The following SCFD2 variants were observed in gnomAD, a reference collection of about 807,000 sequenced individuals.
SCFD2 encodes the protein sec1 family domain-containing protein 2.
A neutral mutation model predicts 58.9 loss-of-function variants in SCFD2; 54 were observed. The ratio of observed to expected loss-of-function variants is 0.92; its 90% CI spans 0.74 to 1.15. SCFD2 has a LOEUF of 1.15. SCFD2 is among the 50% of genes most tolerant of loss of function. The pLI, the probability that SCFD2 is intolerant of heterozygous loss-of-function variation, is 0.00. For missense variants in SCFD2, 805 were observed against 836.6 expected (o/e 0.96, Z 0.47); for synonymous variants, 321 against 335.9 (o/e 0.96, Z 0.49).
intron 4 of SCFD2, among the ~76,000 whole-genome samples, chr4:53,185,053 C>T (rs2148952421): frequency 6.6e-6 from 1 of 152,246 alleles, no homozygotes; most frequent in Admixed American, 6.5e-5. Flanking sequence ...TGACTCTCAA[C>T]ATTATAGACT....
intron 4 of SCFD2, among the ~76,000 whole-genome samples, chr4:53,191,150 C>T (rs1057422236): frequency 6.6e-6 from 1 of 151,866 alleles, no homozygotes; most frequent in Non-Finnish European, 1.5e-5. Flanking sequence ...GAGTTCAAGA[C>T]GAGCCTGGCC....
intron 5 of SCFD2, among the ~76,000 whole-genome samples, chr4:53,116,953 G>A (rs545759675): frequency 3.9e-5 from 6 of 152,294 alleles, no homozygotes; most frequent in Admixed American, 2.6e-4. Flanking sequence ...TGCAATGAAA[G>A]TTGAAGAAGC....
intron 4 of SCFD2, among the ~76,000 whole-genome samples, chr4:53,177,916 G>A (rs1727394722): frequency 1.3e-5 from 2 of 152,328 alleles, no homozygotes; most frequent in Non-Finnish European, 2.9e-5. Flanking sequence ...TAGCACAGCA[G>A]TCTGAGATCA....
intron 4 of SCFD2, among the ~76,000 whole-genome samples, chr4:53,150,842 G>A (rs939516336): frequency 7.9e-5 from 12 of 152,160 alleles, no homozygotes; most frequent in African/African-American, 2.9e-4. Context: ...CCCATAACAG[G>A]ATAGTCTTTG....
At chr4:53,214,139 A>G (rs977989262) in intron 4 of SCFD2, among the ~76,000 whole-genome samples, 1 of 152,144 alleles carries the variant, frequency 6.6e-6, no homozygotes, top group Admixed American at 6.5e-5. Flanking sequence ...TCTTTATAGC[A>G]GCATGATATA....
intron 4 of SCFD2, among the ~76,000 whole-genome samples, chr4:53,155,076 T>C (rs1416127420): frequency 6.6e-6 from 1 of 152,156 alleles, no homozygotes; most frequent in African/African-American, 2.4e-5. Flanking sequence ...GCCACTAAAT[T>C]TGTGGTAATT....
In SCFD2 at chr4:53,273,838, C is replaced by G. The variant is rs147943638; in HGVS notation, c.1299G>C (p.Arg433Ser). 41 of 1,612,348 alleles carry G rather than the reference C, an allele frequency of 2.5e-5. No individual in the cohort carries two copies. Among genetic ancestry groups the G allele is most frequent in the African/African-American group, 4.0e-5 (3 of 74,862 alleles). Residue 433 changes from arginine (R) to serine (S), a missense_variant, in exon 4 of 9, where the codon AGG becomes AGC. By Grantham distance (110) the Arg-to-Ser change is moderately radical. Around this residue, in one of 3 missense-constraint regions of SCFD2, gnomAD observed 633 missense variants for 646.8 expected, o/e 0.98. Transcript: ENST00000401642. ...AKWDNFLAFE[R>S]LLLQSIGESA... ...CATAGCAACATACCTGAAGAAGGAG[C>G]CTTTCAAAAGCCAGAAAGTTGTCCC... is the stretch of plus-strand genomic sequence containing the variant.
chr4:52,882,177 G>T (rs996905419), intron 8 of SCFD2, among the ~76,000 whole-genome samples: 1 of 152,314 alleles, frequency 6.6e-6, no homozygotes, highest in South Asian at 2.1e-4. Flanking sequence ...GGGTAAGAGT[G>T]GGGTGGCTAC....
chr4:53,081,532 T>A, intron 5 of SCFD2, among the ~76,000 whole-genome samples: 1 of 152,164 alleles, frequency 6.6e-6, no homozygotes, highest in Admixed American at 6.6e-5. Flanking sequence ...CCACTCATAT[T>A]CTTAAGTACT....
intron 2 of SCFD2, among the ~76,000 whole-genome samples, chr4:53,332,038 C>T (rs1222337814): frequency 6.6e-6 from 1 of 152,184 alleles, no homozygotes; most frequent in Non-Finnish European, 1.5e-5. Flanking sequence ...TCTCCCAAGA[C>T]TAAACCAGGA....
intron 5 of SCFD2, among the ~76,000 whole-genome samples, chr4:53,144,097 T>G (rs1431291994): frequency 6.6e-6 from 1 of 152,058 alleles, no homozygotes; most frequent in African/African-American, 2.4e-5. Context: ...ACTGGGATGT[T>G]TAGGTATTAT....
chr4:53,167,929 C>T (rs1189401716), intron 4 of SCFD2, among the ~76,000 whole-genome samples: 1 of 152,208 alleles, frequency 6.6e-6, no homozygotes, highest in African/African-American at 2.4e-5. Context: ...AGGTAGACTT[C>T]AGTGTCTTGG....
intron 2 of SCFD2, among the ~76,000 whole-genome samples, chr4:53,321,956 C>A (rs1182996782): frequency 6.6e-6 from 1 of 152,176 alleles, no homozygotes; most frequent in African/African-American, 2.4e-5. Flanking sequence ...CTGCATGGAG[C>A]TAGCCATCTA....
At chr4:53,046,737 G>A (rs1158682546) in intron 5 of SCFD2, among the ~76,000 whole-genome samples, 3 of 151,996 alleles carry the variant, frequency 2.0e-5, no homozygotes, top group East Asian at 1.9e-4. Flanking sequence ...GCATGATCTC[G>A]GCTCACTGCA....
chr4:53,329,920 A>G (rs1373880479), intron 2 of SCFD2, among the ~76,000 whole-genome samples: 1 of 151,958 alleles, frequency 6.6e-6, no homozygotes, highest in African/African-American at 2.4e-5. Flanking sequence ...GCAGCTGAAA[A>G]CCAAGGCTCG....
chr4:53,300,184 A>G (rs1044252528), intron 3 of SCFD2, among the ~76,000 whole-genome samples: 55 of 152,248 alleles, frequency 3.6e-4, no homozygotes, highest in African/African-American at 1.2e-3. Flanking sequence ...ACCCATCAGT[A>G]TGCTGTATTC....
At chr4:53,156,612 G>A (rs139913495) in intron 4 of SCFD2, among the ~76,000 whole-genome samples, 1,719 of 152,200 alleles carry the variant, frequency 0.011, 19 homozygotes, top group Non-Finnish European at 0.015. Flanking sequence ...GCAGGAGAAT[G>A]GCATGAACCC....
At chr4:53,281,935 T>G (rs990951370) in intron 3 of SCFD2, among the ~76,000 whole-genome samples, 2 of 152,242 alleles carry the variant, frequency 1.3e-5, no homozygotes, top group African/African-American at 4.8e-5. Flanking sequence ...GCATTTCTAT[T>G]TTATTCCATA....
At chr4:53,115,872 T>C (rs13132859) in intron 5 of SCFD2, among the ~76,000 whole-genome samples, 30,888 of 152,118 alleles carry the variant, frequency 0.2, 3,475 homozygotes, top group Non-Finnish European at 0.26. Flanking sequence ...CAGAAATGTT[T>C]CCTTTCTTAT....
Sources: allele counts gnomAD v4.1 joint callset (sites outside exome capture counted in the v4.1 genomes callset), GRCh38; gene constraint gnomAD v4.1.1; regional missense constraint gnomAD v4.1.1; transcripts MANE v1.5; gene names NCBI Gene and HGNC (gene_info 2026-07-23, HGNC 2026-07-21).